ZDHHC18: variants seen among roughly 807,000 people sequenced by gnomAD.
ZDHHC18 encodes zDHHC palmitoyltransferase 18.
ZDHHC18 carries 23 observed loss-of-function variants against 37.5 expected under a neutral mutation model. The ratio of observed to expected loss-of-function variants is 0.61; its 90% CI spans 0.44 to 0.87. ZDHHC18 has a LOEUF of 0.87. ZDHHC18 is among the 40% of genes least tolerant of loss of function. The pLI, the probability that ZDHHC18 is intolerant of heterozygous loss-of-function variation, is 0.00. For missense variants in ZDHHC18, 406 were observed against 525.6 expected (o/e 0.77, Z 2.22); for synonymous variants, 185 against 218.7 (o/e 0.85, Z 1.36).
intron 1 of ZDHHC18, chr1:26,832,040 C>T (rs2081590574): frequency 6.2e-6 from 1 of 160,642 alleles, no homozygotes. Context: ...TTGCCTGCCA[C>T]AGAGAAGACC....
At position 26,850,671 on chromosome 1, in the gene ZDHHC18, T is replaced by C; in HGVS notation, c.833+65T>C. 5.8e-6 allele frequency: 9 copies of C among 1,562,606 alleles called. No individual in the cohort carries two copies. Among genetic ancestry groups the C allele is most frequent in the Non-Finnish European group, 7.0e-6 (8 of 1,137,278 alleles). Reference sequence around the variant, plus strand: ...AGGTCCCTTCACTGGGTGGGTGCCCTGCCTCATCCTCTAATCAGAAGGGAA... The same window carrying C: ...AGGTCCCTTCACTGGGTGGGTGCCCCGCCTCATCCTCTAATCAGAAGGGAA... On this transcript the variant is annotated intron_variant, in intron 5 of 7. Coordinates refer to ENST00000374142, the MANE Select transcript of ZDHHC18 (RefSeq NM_032283.3). The surrounding 1 kb of genome is among the most constrained non-coding windows in gnomAD (Gnocchi z 6.1).
In ZDHHC18 at chr1:26,853,862, C is replaced by G; in HGVS notation, c.*19C>G. On this transcript the variant is annotated 3_prime_UTR_variant, in exon 8 of 8. Coordinates refer to ENST00000374142, the MANE Select transcript of ZDHHC18 (RefSeq NM_032283.3). The stretch of plus-strand genomic sequence containing the variant: ...CCCCTGACCACGGCTCAGTACTTGC[C>G]ACCTGCTGGCCTGTCTGACCCTCCG... 1 of 1,608,618 alleles carries G rather than the reference C, an allele frequency of 6.2e-7. No individual in the cohort carries two copies. The highest frequency in any genetic ancestry group is 8.5e-7 in the Non-Finnish European group (1 of 1,176,706).
chr1:26,833,749 C>T (rs1401928555), intron 2 of ZDHHC18, among the ~76,000 whole-genome samples: 1 of 152,098 alleles, frequency 6.6e-6, no homozygotes, highest in Non-Finnish European at 1.5e-5. Context: ...TTAGCTCCTT[C>T]CCCTAACAGC....
At chr1:26,847,424 C>T (rs2081675920) in intron 2 of ZDHHC18, among the ~76,000 whole-genome samples, 1 of 151,972 alleles carries the variant, frequency 6.6e-6, no homozygotes, top group Non-Finnish European at 1.5e-5. Context: ...TTTGCCCAGG[C>T]TCATCTTGAA....
chr1:26,828,045 T>G (rs2081567231), intron 1 of ZDHHC18, among the ~76,000 whole-genome samples: 1 of 152,172 alleles, frequency 6.6e-6, no homozygotes, highest in South Asian at 2.1e-4. Flanking sequence ...TTTGCCCCCC[T>G]AGGTTTTTGT....
chr1:26,840,529 C>T (rs114672362), intron 2 of ZDHHC18, among the ~76,000 whole-genome samples: 6,207 of 151,762 alleles, frequency 0.041, 424 homozygotes, highest in African/African-American at 0.14. Flanking sequence ...CAACTTCCAC[C>T]TCCTGGGTTC....
intron 1 of ZDHHC18, among the ~76,000 whole-genome samples, chr1:26,829,717 T>C (rs1339949014): frequency 3.3e-5 from 5 of 152,228 alleles, no homozygotes; most frequent in African/African-American, 1.2e-4. Flanking sequence ...TCAATACTTA[T>C]TGAATGAATG....
chr1:26,849,488 C>T (rs1414185928), intron 3 of ZDHHC18, among the ~76,000 whole-genome samples: 7 of 152,226 alleles, frequency 4.6e-5, no homozygotes, highest in Admixed American at 4.6e-4. Flanking sequence ...CCCCCCGTGA[C>T]GGCATGCAGT....
chr1:26,840,225 T>A (rs1175287276), intron 2 of ZDHHC18, among the ~76,000 whole-genome samples: 2 of 152,190 alleles, frequency 1.3e-5, no homozygotes, highest in African/African-American at 4.8e-5. Context: ...CTGGAGAGGG[T>A]CTGTGGCTGT....
intron 2 of ZDHHC18, among the ~76,000 whole-genome samples, chr1:26,840,453 A>AT (rs992774856): frequency 5.3e-5 from 8 of 151,986 alleles, no homozygotes; most frequent in African/African-American, 1.5e-4. Context: ...ATTTTATTTT[A>AT]TTTTTTTGAG....
intron 2 of ZDHHC18, 34 bp downstream of exon 2, chr1:26,832,641 C>G (rs2081593530): frequency 6.2e-7 from 1 of 1,606,676 alleles, no homozygotes; most frequent in South Asian, 1.1e-5. Context: ...AGCTGGGTCT[C>G]CATAGCTCCA....
At chr1:26,834,205 C>T (rs1456275736) in intron 2 of ZDHHC18, among the ~76,000 whole-genome samples, 1 of 152,222 alleles carries the variant, frequency 6.6e-6, no homozygotes, top group Non-Finnish European at 1.5e-5. Flanking sequence ...AATCCTCGGC[C>T]TCCTGTGAGC....
chr1:26,838,854 C>T (rs533163800), intron 2 of ZDHHC18, among the ~76,000 whole-genome samples: 4 of 152,244 alleles, frequency 2.6e-5, no homozygotes, highest in African/African-American at 4.8e-5. Context: ...GTGAAGGCCC[C>T]ATGAACCCCA....
chr1:26,835,706 C>CA (rs543310105), intron 2 of ZDHHC18, among the ~76,000 whole-genome samples: 21 of 151,398 alleles, frequency 1.4e-4, no homozygotes, highest in African/African-American at 4.4e-4. Context: ...TCTCAAAAAA[C>CA]AAAAAAAACC....
chr1:26,833,972 C>T (rs543933573), intron 2 of ZDHHC18, among the ~76,000 whole-genome samples: 8 of 152,274 alleles, frequency 5.3e-5, no homozygotes, highest in Admixed American at 3.3e-4. Flanking sequence ...TCCTCAGCCA[C>T]GCCTGCGAGG....
chr1:26,841,864 G>A (rs1310103057), intron 2 of ZDHHC18, among the ~76,000 whole-genome samples: 3 of 152,040 alleles, frequency 2.0e-5, no homozygotes, highest in Admixed American at 6.6e-5. Context: ...GGCCAGGCGC[G>A]GTGGCTCACG....
At chr1:26,832,310 G>A (rs1570665875) in intron 1 of ZDHHC18, 137 bp from the exon 2 acceptor site, 5 of 1,040,366 alleles carry the variant, frequency 4.8e-6, no homozygotes, top group Admixed American at 4.2e-5. Context: ...AAGGAGCTGT[G>A]CCTCTGCCTC....
At chr1:26,840,193 A>C (rs1431190058) in intron 2 of ZDHHC18, among the ~76,000 whole-genome samples, 1 of 152,172 alleles carries the variant, frequency 6.6e-6, no homozygotes, top group Non-Finnish European at 1.5e-5. Flanking sequence ...TCCACTGAGG[A>C]TTCCAGTAAC....
chr1:26,848,838 G>T (rs1173061206), intron 3 of ZDHHC18, 81 bp downstream of exon 3: 13 of 1,538,210 alleles, frequency 8.5e-6, no homozygotes, highest in African/African-American at 1.4e-5. Flanking sequence ...CAAGCATGGG[G>T]ATGGCGTGGG....
Sources: gnomAD v4.1 joint callset for allele counts (sites outside exome capture counted in the v4.1 genomes callset) on GRCh38, gnomAD v4.1.1 for gene constraint, Gnocchi (gnomAD v3.1) non-coding constraint, MANE v1.5 for transcripts, NCBI Gene and HGNC (gene_info 2026-07-23, HGNC 2026-07-21) for gene names.